PTPRG: variants seen among roughly 807,000 people sequenced by gnomAD.
PTPRG encodes the protein receptor-type tyrosine-protein phosphatase gamma.
In PTPRG, 102 loss-of-function variants were observed where a neutral mutation model predicts 165.3. The observed-to-expected ratio is 0.62, with a 90% CI of 0.53 to 0.73. PTPRG has a LOEUF of 0.73. Among genes scored for constraint, PTPRG ranks in the 30% least tolerant of loss-of-function variants. The probability of loss-of-function intolerance (pLI) is 0.00; values close to 1 mark genes in which losing one functional copy is unlikely to be tolerated. For missense variants in PTPRG, 1,866 were observed against 1,861.4 expected, an observed-to-expected ratio of 1.00 and a Z score of -0.05; for synonymous variants, 675 against 669.5, an observed-to-expected ratio of 1.01 and a Z score of -0.13.
At chr3:61,900,640 C>G (rs2038473841) in intron 2 of PTPRG, among the ~76,000 whole-genome samples, 1 of 152,170 alleles carries the variant, frequency 6.6e-6, no homozygotes, top group East Asian at 1.9e-4. Context: ...CCCATTAATG[C>G]CCAGGTCCAC....
intron 2 of PTPRG, among the ~76,000 whole-genome samples, chr3:61,910,593 T>C (rs906921799): frequency 3.9e-5 from 6 of 152,186 alleles, no homozygotes; most frequent in African/African-American, 1.4e-4. Flanking sequence ...TGTGTTTTCT[T>C]AATTATGTTT....
chr3:62,061,261 C>T (rs553608239), intron 4 of PTPRG, among the ~76,000 whole-genome samples: 78 of 152,312 alleles, frequency 5.1e-4, no homozygotes, highest in Non-Finnish European at 1.0e-3. Flanking sequence ...AGTGTGTTCA[C>T]TGTTGTGTAT....
intron 2 of PTPRG, among the ~76,000 whole-genome samples, chr3:61,804,124 A>G (rs1179820130): frequency 3.3e-5 from 5 of 152,214 alleles, no homozygotes; most frequent in Non-Finnish European, 5.9e-5. Flanking sequence ...CTGTAAGTAA[A>G]CATCTGCAGT....
chr3:61,646,675 G>T (rs1358101161), intron 1 of PTPRG, among the ~76,000 whole-genome samples: 1 of 152,178 alleles, frequency 6.6e-6, no homozygotes, highest in Non-Finnish European at 1.5e-5. Context: ...TTTGTGGTGT[G>T]TATGTGTATG....
At chr3:61,830,579 T>G (rs1269162482) in intron 2 of PTPRG, among the ~76,000 whole-genome samples, 4 of 146,298 alleles carry the variant, frequency 2.7e-5, no homozygotes, top group African/African-American at 1.0e-4. Context: ...TTTTTTTTTT[T>G]TTTTTTTTTT....
chr3:61,652,022 A>G (rs938714279), intron 1 of PTPRG, among the ~76,000 whole-genome samples: 1 of 150,414 alleles, frequency 6.6e-6, no homozygotes, highest in African/African-American at 2.4e-5. Flanking sequence ...TATATATATA[A>G]AAGTAGGCCA....
intron 8 of PTPRG, among the ~76,000 whole-genome samples, chr3:62,169,690 A>C (rs749880315): frequency 8.5e-5 from 13 of 152,136 alleles, no homozygotes; most frequent in Non-Finnish European, 1.5e-4. Flanking sequence ...GAAAAGGGAT[A>C]TTTCCCAACC....
intron 2 of PTPRG, among the ~76,000 whole-genome samples, chr3:61,880,640 A>T (rs972931954): frequency 1.3e-5 from 2 of 151,474 alleles, no homozygotes; most frequent in African/African-American, 4.9e-5. Flanking sequence ...AAAAAAAAAA[A>T]AAAAGAGAGA....
intron 16 of PTPRG, among the ~76,000 whole-genome samples, chr3:62,260,219 T>A (rs1701653870): frequency 6.6e-6 from 1 of 152,216 alleles, no homozygotes; most frequent in African/African-American, 2.4e-5. Flanking sequence ...ACTAAGAATG[T>A]TACCCCTACT....
In PTPRG at chr3:61,917,359, GAATGA is replaced by G. The variant is rs1488528687; in HGVS notation, c.191-72261_191-72257del. On this transcript the variant is annotated intron_variant, in intron 2 of 29. Coordinates refer to ENST00000474889, the MANE Select transcript of PTPRG (RefSeq NM_002841.4). ...AGTCTATTATCGTTTTGGTACCTTGGAATGAAATGGAGTGTTTAAGCGGTGAACAT... is the reference window on the plus strand; with the variant it reads ...AGTCTATTATCGTTTTGGTACCTTGGAATGGAGTGTTTAAGCGGTGAACAT... Among the ~76,000 whole-genome samples, 15 of 152,246 alleles carry G rather than the reference GAATGA, an allele frequency of 9.9e-5. No homozygotes were observed. In the East Asian group the frequency reaches 2.9e-3, roughly 29 times the overall value.
At chr3:61,874,841 C>T (rs1046141221) in intron 2 of PTPRG, among the ~76,000 whole-genome samples, 8 of 152,166 alleles carry the variant, frequency 5.3e-5, no homozygotes, top group Admixed American at 1.3e-4. Context: ...AGTCCATACC[C>T]GTAACTGAAT....
At chr3:61,870,772 C>A (rs1247630416) in intron 2 of PTPRG, among the ~76,000 whole-genome samples, 2 of 151,744 alleles carry the variant, frequency 1.3e-5, no homozygotes, top group Non-Finnish European at 2.9e-5. Flanking sequence ...TGGTAAAGTT[C>A]TATTGAAATG....
intron 1 of PTPRG, among the ~76,000 whole-genome samples, chr3:61,689,879 C>T (rs772937185): frequency 2.6e-5 from 4 of 152,160 alleles, no homozygotes; most frequent in Non-Finnish European, 5.9e-5. Flanking sequence ...CCATTTATTT[C>T]CTACTAGACG....
chr3:62,264,471 A>G (rs1416118693), intron 17 of PTPRG, among the ~76,000 whole-genome samples: 1 of 152,070 alleles, frequency 6.6e-6, no homozygotes, highest in Non-Finnish European at 1.5e-5. Context: ...TCCAGCACTT[A>G]GAAACCCTGT....
chr3:61,906,916 T>G (rs748063775), intron 2 of PTPRG, among the ~76,000 whole-genome samples: 27 of 152,010 alleles, frequency 1.8e-4, no homozygotes, highest in Non-Finnish European at 3.8e-4. Context: ...GCTACAACAT[T>G]AAAAAAAGGT....
chr3:62,060,518 T>G (rs1162895905), intron 4 of PTPRG, among the ~76,000 whole-genome samples: 3 of 152,232 alleles, frequency 2.0e-5, no homozygotes, highest in African/African-American at 7.2e-5. Flanking sequence ...ACTCTGAGAC[T>G]TCATTGAGAT....
chr3:62,199,865 G>A (rs1027078084), intron 10 of PTPRG, among the ~76,000 whole-genome samples: 3 of 152,304 alleles, frequency 2.0e-5, no homozygotes, highest in East Asian at 3.9e-4. Context: ...TCCATTGACC[G>A]ATGAAGGGAT....
intron 4 of PTPRG, among the ~76,000 whole-genome samples, chr3:62,071,087 C>A (rs1701195301): frequency 6.6e-6 from 1 of 152,084 alleles, no homozygotes; most frequent in African/African-American, 2.4e-5. Flanking sequence ...CTGTTCTTTT[C>A]TGTAGCTTTT....
chr3:61,879,976 C>T lies in PTPRG; in HGVS notation c.191-109649C>T, dbSNP rs138351846. 6.8e-4 allele frequency among the ~76,000 whole-genome samples: 103 copies of T among 152,280 alleles called. 1 individual carries two copies. The highest frequency in any genetic ancestry group is 2.0e-3 in the African/African-American group (83 of 41,556). ...GTCTTCACTACAGCCTATGGTTTTT[C>T]ACATGAAGTATTCACTTCAAAAATG... On this transcript the variant is annotated intron_variant, in intron 2 of 29. Transcript: ENST00000474889.
Sources: allele counts gnomAD v4.1 joint callset (sites outside exome capture counted in the v4.1 genomes callset), GRCh38; gene constraint gnomAD v4.1.1; transcripts MANE v1.5; gene names NCBI Gene and HGNC (gene_info 2026-07-23, HGNC 2026-07-21).